SORBS2: variants seen among roughly 807,000 people sequenced by gnomAD.
The protein encoded by SORBS2 is sorbin and SH3 domain-containing protein 2.
SORBS2 carries 46 observed loss-of-function variants against 97.7 expected under a neutral mutation model. That is an observed-to-expected ratio of 0.47 (90% CI 0.37 to 0.60). SORBS2 has a LOEUF of 0.60. SORBS2 is among the 20% of genes least tolerant of loss of function. The probability of loss-of-function intolerance (pLI) is 0.00; values close to 1 mark genes in which losing one functional copy is unlikely to be tolerated. For missense variants in SORBS2, 1,316 were observed against 1,282.3 expected, an observed-to-expected ratio of 1.03 and a Z score of -0.40; for synonymous variants, 476 against 473.4, an observed-to-expected ratio of 1.01 and a Z score of -0.07.
At chr4:185,683,518 C>T (rs962637130) in intron 2 of SORBS2, among the ~76,000 whole-genome samples, 7 of 152,104 alleles carry the variant, frequency 4.6e-5, no homozygotes, top group South Asian at 2.1e-4. Flanking sequence ...CTCATGGTAT[C>T]CAAGGTAAAT....
intron 1 of SORBS2, among the ~76,000 whole-genome samples, chr4:185,871,706 G>A (rs2099230502): frequency 6.6e-6 from 1 of 152,204 alleles, no homozygotes; most frequent in South Asian, 2.1e-4. Flanking sequence ...CCGGCATATT[G>A]CAGGTCCTGT....
At chr4:185,852,712 A>G (rs2099218603) in intron 1 of SORBS2, among the ~76,000 whole-genome samples, 1 of 152,194 alleles carries the variant, frequency 6.6e-6, no homozygotes, top group African/African-American at 2.4e-5. Flanking sequence ...TCTTTCTAAT[A>G]TTCAGTAGAG....
At chr4:185,923,996 A>G (rs1345855308) in intron 1 of SORBS2, among the ~76,000 whole-genome samples, 1 of 152,242 alleles carries the variant, frequency 6.6e-6, no homozygotes, top group Admixed American at 6.5e-5. Context: ...TGGAAGCAGC[A>G]TGAAAGCAGA....
At chr4:185,868,155 C>CTTTTTTTTTTTT (rs1431293135) in intron 1 of SORBS2, among the ~76,000 whole-genome samples, 1,247 of 100,474 alleles carry the variant, frequency 0.012, 102 homozygotes, top group Non-Finnish European at 0.015. Context: ...TTCTTTTTTT[C>CTTTTTTTTTTTT]TTTCTTTTTT....
intron 1 of SORBS2, among the ~76,000 whole-genome samples, chr4:185,865,094 G>A (rs974796270): frequency 6.6e-6 from 1 of 152,052 alleles, no homozygotes; most frequent in African/African-American, 2.4e-5. Flanking sequence ...TGAAAGCTCA[G>A]TTTCGACATT....
chr4:185,771,273 G>A (rs1423128724), intron 2 of SORBS2: 15 of 152,160 alleles, frequency 9.9e-5, no homozygotes, highest in Admixed American at 9.8e-4. Flanking sequence ...TTATAGGCGT[G>A]AGCCACCACG....
intron 1 of SORBS2, among the ~76,000 whole-genome samples, chr4:185,789,440 A>T (rs1561039076): frequency 6.6e-6 from 1 of 151,728 alleles, no homozygotes; most frequent in East Asian, 1.9e-4. Flanking sequence ...ATTATTTAGC[A>T]AAGTATAATT....
Position 185,918,880 on chromosome 4 carries a change from G to A in SORBS2, c.-338+37316C>T, listed in dbSNP as rs1046146758. Among the ~76,000 whole-genome samples, 3 of 152,280 alleles carry A rather than the reference G, an allele frequency of 2.0e-5. No homozygotes were observed. In the South Asian group the frequency reaches 6.2e-4, roughly 32 times the overall value. ...TACAGTTTCCACGTATGTTCACCCA[G>A]TACATCACAATGGATGCACAAATGA... On this transcript the variant is annotated intron_variant, in intron 1 of 20. Transcript: ENST00000284776.
chr4:185,667,717 T>TAA (rs1554140077), intron 4 of SORBS2, among the ~76,000 whole-genome samples: 7 of 146,272 alleles, frequency 4.8e-5, no homozygotes, highest in Middle Eastern at 3.3e-3. Context: ...CGTATATATA[T>TAA]AATATATATT....
At chr4:185,951,188 C>T (rs948085634) in intron 1 of SORBS2, among the ~76,000 whole-genome samples, 5 of 152,152 alleles carry the variant, frequency 3.3e-5, no homozygotes, top group East Asian at 1.9e-4. Context: ...TGTACCATCA[C>T]GCTACCACTT....
At chr4:185,810,259 G>T (rs116354643) in intron 1 of SORBS2, among the ~76,000 whole-genome samples, 1,889 of 152,256 alleles carry the variant, frequency 0.012, 40 homozygotes, top group African/African-American at 0.044. Context: ...ACAAAAGTTT[G>T]GAAAACTATT....
intron 1 of SORBS2, among the ~76,000 whole-genome samples, chr4:185,834,788 C>T (rs1363084679): frequency 6.6e-6 from 1 of 152,002 alleles, no homozygotes; most frequent in Admixed American, 6.6e-5. Flanking sequence ...TTTTGCTAGC[C>T]CCTACACTAT....
chr4:185,912,192 G>A (rs2099255509), intron 1 of SORBS2, among the ~76,000 whole-genome samples: 1 of 152,126 alleles, frequency 6.6e-6, no homozygotes, highest in Non-Finnish European at 1.5e-5. Flanking sequence ...TCTCAGTGGT[G>A]TGTAGCTAGC....
At chr4:185,712,532 G>A (rs1356473495) in intron 2 of SORBS2, among the ~76,000 whole-genome samples, 2 of 152,356 alleles carry the variant, frequency 1.3e-5, no homozygotes, top group South Asian at 2.1e-4. Context: ...CCTCGCTGGC[G>A]GGGGTAGCTG....
intron 4 of SORBS2, among the ~76,000 whole-genome samples, chr4:185,667,447 T>C (rs911757062): frequency 6.6e-6 from 1 of 152,088 alleles, no homozygotes; most frequent in Non-Finnish European, 1.5e-5. Flanking sequence ...AAAAGGTCTC[T>C]CTGAATCATA....
chr4:185,876,012 C>G (rs886356210), intron 1 of SORBS2, among the ~76,000 whole-genome samples: 4 of 152,210 alleles, frequency 2.6e-5, no homozygotes, highest in Non-Finnish European at 5.9e-5. Context: ...ACAAACTCTT[C>G]TCTGTGTTTT....
intron 2 of SORBS2, among the ~76,000 whole-genome samples, chr4:185,679,713 C>T (rs1409671259): frequency 6.6e-6 from 1 of 152,168 alleles, no homozygotes; most frequent in East Asian, 1.9e-4. Flanking sequence ...GCTGTCCAGT[C>T]CTGGATTCCT....
chr4:185,711,694 G>A (rs978791652), intron 2 of SORBS2, among the ~76,000 whole-genome samples: 4 of 152,150 alleles, frequency 2.6e-5, no homozygotes, highest in African/African-American at 9.7e-5. Context: ...AATAATATTT[G>A]AGGCAATCGT....
chr4:185,921,255 T>C (rs2099260794), intron 1 of SORBS2, among the ~76,000 whole-genome samples: 1 of 152,218 alleles, frequency 6.6e-6, no homozygotes, highest in African/African-American at 2.4e-5. Context: ...CATTTCTAAA[T>C]TGGGGATAAC....
Sources: gnomAD v4.1 joint callset for allele counts (sites outside exome capture counted in the v4.1 genomes callset) on GRCh38, gnomAD v4.1.1 for gene constraint, MANE v1.5 for transcripts, NCBI Gene and HGNC (gene_info 2026-07-23, HGNC 2026-07-21) for gene names.